Variants in LIN7A observed in about 807,000 individuals in gnomAD.
LIN7A encodes the protein lin-7 cell polarity scaffold A, also known as protein lin-7 homolog A.
LIN7A carries 25 observed loss-of-function variants against 29.8 expected under a neutral mutation model. The observed-to-expected ratio is 0.84, with a 90% CI of 0.61 to 1.17. The LOEUF (loss-of-function observed/expected upper bound fraction) is 1.17, where lower values mean the gene tolerates loss of function less well. Among genes scored for constraint, LIN7A ranks in the 50% most tolerant of loss-of-function variants. The pLI is 0.00. For synonymous variants in LIN7A, 118 were observed against 107.5 expected, an observed-to-expected ratio of 1.10 and a Z score of -0.60; for missense variants, 239 against 287.0, an observed-to-expected ratio of 0.83 and a Z score of 1.21.
intron 2 of LIN7A, among the ~76,000 whole-genome samples, chr12:80,888,337 C>A (rs1303755364): frequency 6.6e-6 from 1 of 152,078 alleles, no homozygotes; most frequent in African/African-American, 2.4e-5. Flanking sequence ...TCCTGCCTAG[C>A]GACTAAACTA....
At chr12:80,835,585 C>A (rs143098474) in intron 4 of LIN7A, among the ~76,000 whole-genome samples, 1 of 152,052 alleles carries the variant, frequency 6.6e-6, no homozygotes, top group Admixed American at 6.6e-5. Flanking sequence ...AAAGAAAAGA[C>A]TATTATCTGA....
At chr12:80,935,756 A>G (rs1426448489) in intron 1 of LIN7A, 1 of 503,686 alleles carries the variant, frequency 2.0e-6, no homozygotes, top group Non-Finnish European at 4.2e-6. Flanking sequence ...CCACAGGGTA[A>G]ACCTGCTTGT....
chr12:80,877,121 CAAAAA>C (rs55779514), intron 2 of LIN7A, among the ~76,000 whole-genome samples: 1 of 106,528 alleles, frequency 9.4e-6, no homozygotes, highest in Non-Finnish European at 1.8e-5. Context: ...GACTCTGTCT[CAAAAA>C]AAAAAAAAAA....
At chr12:80,856,076 C>T (rs1873579286) in intron 2 of LIN7A, among the ~76,000 whole-genome samples, 1 of 151,982 alleles carries the variant, frequency 6.6e-6, no homozygotes, top group Non-Finnish European at 1.5e-5. Flanking sequence ...GAATTCACTG[C>T]CTGCGGCCAG....
intron 5 of LIN7A, among the ~76,000 whole-genome samples, chr12:80,800,182 G>C (rs962946488): frequency 2.0e-5 from 3 of 151,816 alleles, no homozygotes; most frequent in Non-Finnish European, 4.4e-5. Flanking sequence ...AGATGAAATG[G>C]ACAATTCCTT....
chr12:80,903,674 T>G (rs1256396491), intron 1 of LIN7A, among the ~76,000 whole-genome samples: 1 of 151,492 alleles, frequency 6.6e-6, no homozygotes, highest in East Asian at 1.9e-4. Context: ...TTATAAAGAT[T>G]TTTTTTTTCC....
chr12:80,926,046 G>A (rs1225777054), intron 1 of LIN7A, among the ~76,000 whole-genome samples: 2 of 152,122 alleles, frequency 1.3e-5, no homozygotes, highest in Non-Finnish European at 2.9e-5. Context: ...TCGTTGCATG[G>A]TTGTTTCTGC....
At chr12:80,908,908 G>A (rs1876617220) in intron 1 of LIN7A, among the ~76,000 whole-genome samples, 1 of 151,640 alleles carries the variant, frequency 6.6e-6, no homozygotes, top group Non-Finnish European at 1.5e-5. Context: ...TTATCGACAT[G>A]TTTTGCAAAT....
intron 2 of LIN7A, among the ~76,000 whole-genome samples, chr12:80,877,868 G>GAA (rs1169752162): frequency 6.2e-5 from 8 of 129,726 alleles, no homozygotes; most frequent in African/African-American, 8.4e-5. Flanking sequence ...GCACTGGGAA[G>GAA]AAAAAAAAAA....
intron 4 of LIN7A, among the ~76,000 whole-genome samples, chr12:80,845,236 C>CA (rs68031488): frequency 1.0e-3 from 124 of 118,528 alleles, no homozygotes; most frequent in Non-Finnish European, 1.5e-3. Flanking sequence ...GATTCCATCT[C>CA]AAAAAAAAAA....
intron 2 of LIN7A, among the ~76,000 whole-genome samples, chr12:80,852,556 C>G (rs1354716326): frequency 6.6e-6 from 1 of 152,030 alleles, no homozygotes; most frequent in African/African-American, 2.4e-5. Context: ...TCTTATTATG[C>G]TTTTATTCTA....
intron 5 of LIN7A, among the ~76,000 whole-genome samples, chr12:80,799,487 C>G (rs906915314): frequency 2.0e-5 from 3 of 151,658 alleles, no homozygotes; most frequent in Non-Finnish European, 4.4e-5. Context: ...TGCTAAGAAG[C>G]CTATGTTAAA....
chr12:80,923,968 G>A (rs1198967644), intron 1 of LIN7A, among the ~76,000 whole-genome samples: 1 of 152,166 alleles, frequency 6.6e-6, no homozygotes, highest in Non-Finnish European at 1.5e-5. Context: ...TTATTGTGAA[G>A]ATTAATTAAA....
intron 2 of LIN7A, among the ~76,000 whole-genome samples, chr12:80,849,971 T>A (rs139227190): frequency 6.6e-6 from 1 of 152,148 alleles, no homozygotes; most frequent in Non-Finnish European, 1.5e-5. Context: ...TTTGCCTGCA[T>A]CCAAGGATGT....
chr12:80,892,669 C>T (rs928421913), intron 1 of LIN7A, among the ~76,000 whole-genome samples: 5 of 152,112 alleles, frequency 3.3e-5, no homozygotes, highest in Admixed American at 6.5e-5. Context: ...TCAACCTTAA[C>T]TGCACATTAA....
At chr12:80,818,676 AG>A (rs1388086128) in intron 4 of LIN7A, among the ~76,000 whole-genome samples, 1 of 152,200 alleles carries the variant, frequency 6.6e-6, no homozygotes, top group Non-Finnish European at 1.5e-5. Context: ...ATAGAGACCT[AG>A]GCTCTTCCCA....
At chr12:80,887,992 C>T (rs948162739) in intron 2 of LIN7A, among the ~76,000 whole-genome samples, 13 of 152,204 alleles carry the variant, frequency 8.5e-5, no homozygotes, top group Non-Finnish European at 1.5e-4. Context: ...ACAGGAGTGA[C>T]AACCATAATC....
rs1870495153 is a variant in LIN7A at position 80,797,301 on chromosome 12, A to G, written c.*426T>C. ...CAGGTGAGGGTAAGGAGCAATGTGT[A>G]GGTTTCACTTTGAACTGATGCAGTT... On this transcript the variant is annotated 3_prime_UTR_variant, in exon 6 of 6. Transcript: ENST00000552864. 1 of 152,624 alleles carries G rather than the reference A, an allele frequency of 6.6e-6. No homozygotes were observed. The highest frequency in any genetic ancestry group is 2.4e-5 in the African/African-American group (1 of 41,586). 9.5% of individuals were successfully genotyped at this position (152,624 alleles called of 1,614,324 possible). A position where few individuals can be genotyped will look rare whatever the true frequency, so the allele number is the denominator to read the frequency against.
chr12:80,823,849 C>A (rs566617935), intron 4 of LIN7A, among the ~76,000 whole-genome samples: 2 of 152,292 alleles, frequency 1.3e-5, no homozygotes, highest in African/African-American at 4.8e-5. Flanking sequence ...CACAACCTAT[C>A]AAAACCTCTG....
Sources: allele counts gnomAD v4.1 joint callset (sites outside exome capture counted in the v4.1 genomes callset), GRCh38; gene constraint gnomAD v4.1.1; transcripts MANE v1.5; gene names NCBI Gene and HGNC (gene_info 2026-07-23, HGNC 2026-07-21).